The following PHF20 variants were observed in gnomAD, a reference collection of about 807,000 sequenced individuals.
The protein encoded by PHF20 is PHD finger protein 20.
PHF20 carries 23 observed loss-of-function variants against 113.5 expected under a neutral mutation model. That is an observed-to-expected ratio of 0.20 (90% CI 0.15 to 0.29). The LOEUF is 0.29. Ranked by LOEUF, PHF20 falls within the 10% of genes least tolerant of loss-of-function variation. The probability of loss-of-function intolerance (pLI) is 1.00; values close to 1 mark genes in which losing one functional copy is unlikely to be tolerated. For synonymous variants in PHF20, 434 were observed against 457.3 expected, an observed-to-expected ratio of 0.95 and a Z score of 0.65; for missense variants, 943 against 1,219.6, an observed-to-expected ratio of 0.77 and a Z score of 3.38.
At chr20:35,887,807 T>TAAAAAAAAAAAAAA (rs774278547) in intron 9 of PHF20, 3 of 105,270 alleles carry the variant, frequency 2.8e-5, no homozygotes, top group African/African-American at 7.1e-5. Flanking sequence ...AAGACTGAAT[T>TAAAAAAAAAAAAAA]AAAAAAAAAA....
chr20:35,937,400 G>A (rs745878455), intron 15 of PHF20, among the ~76,000 whole-genome samples: 4 of 151,880 alleles, frequency 2.6e-5, no homozygotes, highest in Non-Finnish European at 5.9e-5. Flanking sequence ...CCTGGGAGGT[G>A]GAGGTTGTGG....
Position 35,938,716 on chromosome 20 carries a change from C to A in PHF20, c.2320C>A (p.Leu774Met). The change falls in exon 16 of 18, where the codon CTG becomes ATG. Residue 774 changes from leucine to methionine, a missense_variant. Leu to Met is a conservative substitution (Grantham distance 15). Around this residue, in one of 3 missense-constraint regions of PHF20, gnomAD observed 349 missense variants for 412.3 expected, o/e 0.85. Transcript: ENST00000374012. Reference sequence around the variant, plus strand: ...CAACAGAAGCCGGGAGCATCCTGATCTGCCGCTGTGGTGCCAGCCTTGGAA... The same window carrying A: ...CAACAGAAGCCGGGAGCATCCTGATATGCCGCTGTGGTGCCAGCCTTGGAA... ...SILQSREHPD[L>M]PLWCQPWKQH... The A allele has an allele frequency of 6.2e-7, 1 of 1,610,792 alleles. No individual in the cohort carries two copies. The highest frequency in any genetic ancestry group is 8.5e-7 in the Non-Finnish European group (1 of 1,178,288).
intron 15 of PHF20, among the ~76,000 whole-genome samples, chr20:35,934,243 G>C (rs2055820885): frequency 1.3e-5 from 2 of 152,340 alleles, no homozygotes; most frequent in East Asian, 1.9e-4. Flanking sequence ...CAGAGGCCTG[G>C]CTTCAAGATC....
At chr20:35,806,791 C>CT (rs751352334) in intron 2 of PHF20, among the ~76,000 whole-genome samples, 1,765 of 112,972 alleles carry the variant, frequency 0.016, 39 homozygotes, top group East Asian at 0.034. Context: ...GACCTTTACT[C>CT]TTTTTTTTTT....
intron 6 of PHF20, among the ~76,000 whole-genome samples, chr20:35,865,389 G>T (rs145734217): frequency 6.6e-6 from 1 of 150,928 alleles, no homozygotes; most frequent in South Asian, 2.1e-4. Context: ...TAGTCCCAGC[G>T]ATTCCAGAGT....
intron 1 of PHF20, among the ~76,000 whole-genome samples, chr20:35,776,605 C>G (rs797013055): frequency 5.3e-5 from 8 of 152,330 alleles, no homozygotes; most frequent in African/African-American, 1.9e-4. Flanking sequence ...ATTTCCCTGG[C>G]TGTCACCTGT....
chr20:35,900,205 C>T lies in PHF20; in HGVS notation c.1561+557C>T, dbSNP rs528065321. On this transcript the variant is annotated intron_variant, in intron 10 of 17. Transcript: ENST00000374012. ...TTACAGAGAACCTTTTAGGAAATAT[C>T]TTCTAAAGCTTACAGAAATTGAAAA... 2.8e-4 allele frequency among the ~76,000 whole-genome samples: 42 copies of T among 152,274 alleles called. 1 individual carries two copies. The South Asian group carries it at 8.5e-3, about 31-fold the overall frequency.
At chr20:35,810,196 C>T (rs1287550045) in intron 2 of PHF20, among the ~76,000 whole-genome samples, 1 of 152,126 alleles carries the variant, frequency 6.6e-6, no homozygotes, top group Non-Finnish European at 1.5e-5. Context: ...TCCCAAAGTG[C>T]TGGGATTATA....
chr20:35,778,654 G>A (rs2146825178), intron 1 of PHF20, among the ~76,000 whole-genome samples: 1 of 151,968 alleles, frequency 6.6e-6, no homozygotes, highest in Non-Finnish European at 1.5e-5. Context: ...TAGGGAGGCT[G>A]AGGCAGGAGA....
chr20:35,883,251 A>T (rs1264871844), intron 9 of PHF20, among the ~76,000 whole-genome samples: 2 of 152,014 alleles, frequency 1.3e-5, no homozygotes, highest in Non-Finnish European at 2.9e-5. Context: ...CGTATAATTT[A>T]TTTCATTGTA....
chr20:35,807,605 G>A (rs1301171862), intron 2 of PHF20, among the ~76,000 whole-genome samples: 1 of 151,948 alleles, frequency 6.6e-6, no homozygotes, highest in Non-Finnish European at 1.5e-5. Context: ...TGCTCACCTC[G>A]GCTTCCTAAA....
intron 4 of PHF20, chr20:35,855,363 T>C: frequency 3.1e-6 from 2 of 637,586 alleles, no homozygotes; most frequent in South Asian, 3.6e-5. Flanking sequence ...TTTATGTTCT[T>C]ATCCTTTTAT....
intron 1 of PHF20, among the ~76,000 whole-genome samples, chr20:35,788,378 G>A (rs1287423234): frequency 6.6e-6 from 1 of 151,952 alleles, no homozygotes; most frequent in Non-Finnish European, 1.5e-5. Flanking sequence ...TTACAGGTGT[G>A]AGCCACTGTG....
At chr20:35,824,017 A>G (rs2042220118) in intron 2 of PHF20, among the ~76,000 whole-genome samples, 1 of 152,250 alleles carries the variant, frequency 6.6e-6, no homozygotes, top group African/African-American at 2.4e-5. Flanking sequence ...TTTTGGGTTA[A>G]TATGAATAAA....
At chr20:35,926,192 GT>G (rs1472611720) in intron 13 of PHF20, among the ~76,000 whole-genome samples, 11 of 147,022 alleles carry the variant, frequency 7.5e-5, no homozygotes, top group African/African-American at 2.7e-4. Context: ...GTGAATCCTG[GT>G]TTTCAAAACA....
intron 11 of PHF20, among the ~76,000 whole-genome samples, chr20:35,913,795 T>C (rs2055351594): frequency 6.6e-6 from 1 of 152,228 alleles, no homozygotes; most frequent in African/African-American, 2.4e-5. Context: ...TGCCACGTTT[T>C]ATTCTTGGTG....
At chr20:35,841,599 G>A (rs1160356595) in intron 2 of PHF20, among the ~76,000 whole-genome samples, 2 of 151,756 alleles carry the variant, frequency 1.3e-5, no homozygotes, top group African/African-American at 4.8e-5. Flanking sequence ...GTGAAATCCC[G>A]TTTCTACTAA....
chr20:35,937,565 G>A (rs2055889292), intron 15 of PHF20, among the ~76,000 whole-genome samples: 1 of 152,026 alleles, frequency 6.6e-6, no homozygotes, highest in Non-Finnish European at 1.5e-5. Flanking sequence ...CCTCCAGGTA[G>A]CAGGCTTCAG....
chr20:35,913,866 G>T (rs1414928920), intron 11 of PHF20, among the ~76,000 whole-genome samples, 167 bp from the exon 12 acceptor site: 2 of 152,176 alleles, frequency 1.3e-5, no homozygotes, highest in Non-Finnish European at 2.9e-5. Context: ...ATACTTAAGA[G>T]GAGGTGTTTG....
Sources: gnomAD v4.1 joint callset for allele counts (sites outside exome capture counted in the v4.1 genomes callset) on GRCh38, gnomAD v4.1.1 for gene constraint, gnomAD v4.1.1 regional missense constraint, MANE v1.5 for transcripts, NCBI Gene and HGNC (gene_info 2026-07-23, HGNC 2026-07-21) for gene names.